Variants in C6orf89 observed in about 807,000 individuals in gnomAD.
C6orf89 encodes chromosome 6 open reading frame 89, also known as bombesin receptor-activated protein C6orf89.
Under a neutral mutation model 40.7 loss-of-function variants are expected in C6orf89, and 29 were observed. That is an observed-to-expected ratio of 0.71 (90% CI 0.53 to 0.97). The LOEUF is 0.97. Ranked by LOEUF, C6orf89 falls within the 50% of genes least tolerant of loss-of-function variation. The probability of loss-of-function intolerance (pLI) is 0.00; values close to 1 mark genes in which losing one functional copy is unlikely to be tolerated. For synonymous variants in C6orf89, 165 were observed against 152.2 expected, an observed-to-expected ratio of 1.08 and a Z score of -0.62; for missense variants, 392 against 429.1, an observed-to-expected ratio of 0.91 and a Z score of 0.76.
chr6:36,884,582 G>A (rs568450859), upstream of C6orf89, among the ~76,000 whole-genome samples: 55 of 152,320 alleles, frequency 3.6e-4, no homozygotes, highest in Non-Finnish European at 7.1e-4. This position sits in a 1 kb window ranked among gnomAD's most constrained non-coding sequence, Gnocchi z 4.0. Flanking sequence ...TGAAGGCACC[G>A]TAACCTATGA....
At chr6:36,883,807 ATAGGCTCTACAGCAAATTC>A (rs2150672262), upstream of C6orf89, among the ~76,000 whole-genome samples, 1 of 152,356 alleles carries the variant, frequency 6.6e-6, no homozygotes, top group African/African-American at 2.4e-5. Flanking sequence ...CTCCCTCATA[ATAGGCTCTACAGCAAATTC>A]TACTTTAAAG....
chr6:36,902,983 A>C (rs1341600515), intron 4 of C6orf89, among the ~76,000 whole-genome samples: 1 of 152,226 alleles, frequency 6.6e-6, no homozygotes, highest in Non-Finnish European at 1.5e-5. Flanking sequence ...AAATTAAAAA[A>C]CACATAAATT....
intron 6 of C6orf89, 68 bp from the exon 7 acceptor site, chr6:36,916,377 G>T: frequency 1.3e-6 from 2 of 1,589,630 alleles, no homozygotes; most frequent in Non-Finnish European, 8.6e-7. Context: ...ACCCTTACTT[G>T]GCTCTCTCTT....
intron 4 of C6orf89, among the ~76,000 whole-genome samples, chr6:36,905,265 C>T (rs907031004): frequency 6.6e-5 from 10 of 152,156 alleles, no homozygotes; most frequent in Non-Finnish European, 1.5e-4. Context: ...GGTCTGGTCA[C>T]GGAGCCATGA....
rs1430893130 is a variant in C6orf89, at chr6:36,898,309, C to T, written c.-19-1117C>T. 1.6e-4 allele frequency among the ~76,000 whole-genome samples: 21 copies of T among 133,566 alleles called. No individual in the cohort carries two copies. The South Asian group carries it at 3.2e-3, about 20-fold the overall frequency. 87.6% of individuals were successfully genotyped at this position (133,566 alleles called of 152,430 possible). A position where few individuals can be genotyped will look rare whatever the true frequency, so the allele number is the denominator to read the frequency against. ...TTTTTTTTTTTTTGAGATGGAGTTT[C>T]GCTCTTGTTGCCCAGGCTGGAGTGC... On this transcript the variant is annotated intron_variant, in intron 2 of 8. Transcript: ENST00000480824.
chr6:36,914,160 A>T (rs973064155), intron 4 of C6orf89, 124 bp from the exon 5 acceptor site: 1 of 959,566 alleles, frequency 1.0e-6, no homozygotes, highest in Non-Finnish European at 1.5e-6. Context: ...ACTCTGTCTC[A>T]AAATAAATAA....
At position 36,890,122 on chromosome 6, in the gene C6orf89, TCTTA is replaced by T. The variant is rs79983047; in HGVS notation, c.-120+4099_-120+4102del. Among the ~76,000 whole-genome samples, 39 of 152,330 alleles carry T rather than the reference TCTTA, an allele frequency of 2.6e-4. No individual in the cohort carries two copies. In the East Asian group the frequency reaches 4.4e-3, roughly 17 times the overall value. Reference sequence around the variant, plus strand: ...ATCACCTTCAAGTTTCCTCCTGCCTTCTTACTTATTATTACTATTAGCAATAAGA... The same window carrying T: ...ATCACCTTCAAGTTTCCTCCTGCCTTCTTATTATTACTATTAGCAATAAGA... On this transcript the variant is annotated intron_variant, in intron 1 of 8. Transcript: ENST00000480824.
At chr6:36,880,850 G>A (rs1240275893) in intron 2 of C6orf89, among the ~76,000 whole-genome samples, 1 of 152,220 alleles carries the variant, frequency 6.6e-6, no homozygotes, top group African/African-American at 2.4e-5. Context: ...TTTAAAAAGA[G>A]GGATGTTTAG....
In C6orf89 at chr6:36,927,631, G is replaced by A. The variant is rs1190483966; in HGVS notation, c.*4190G>A. 2 of 152,240 alleles carry A rather than the reference G, an allele frequency of 1.3e-5. No individual in the cohort carries two copies. The highest frequency in any genetic ancestry group is 1.3e-4 in the Admixed American group (2 of 15,286). The allele number at this position is 152,240 out of a possible 1,614,324, so 9.4% of individuals were successfully genotyped here. On this transcript the variant is annotated 3_prime_UTR_variant, in exon 9 of 9. Coordinates refer to ENST00000480824, the MANE Select transcript of C6orf89 (RefSeq NM_001286635.2). ...CCCACTACAATTTGTTGAAGGAAGG[G>A]AGTGTCAGAGATATGCTTTAAAGTT... is the stretch of plus-strand genomic sequence containing the variant.
upstream of C6orf89, among the ~76,000 whole-genome samples, chr6:36,884,207 A>G (rs1774901045): frequency 6.6e-6 from 1 of 152,190 alleles, no homozygotes; most frequent in African/African-American, 2.4e-5. The surrounding 1 kb of genome is among the most constrained non-coding windows in gnomAD (Gnocchi z 4.0). Flanking sequence ...GGTTGTAGTG[A>G]GCTGAGATCG....
intron 1 of C6orf89, among the ~76,000 whole-genome samples, chr6:36,890,174 T>G (rs1192560526): frequency 6.6e-6 from 1 of 152,206 alleles, no homozygotes; most frequent in African/African-American, 2.4e-5. Context: ...AGACCTACCT[T>G]CTTAGCATAT....
At chr6:36,914,054 G>A (rs1583192989) in intron 4 of C6orf89, among the ~76,000 whole-genome samples, 2 of 152,160 alleles carry the variant, frequency 1.3e-5, no homozygotes, top group Non-Finnish European at 2.9e-5. Flanking sequence ...CCAGCTCCTC[G>A]GAAGGCTGTA....
intron 4 of C6orf89, among the ~76,000 whole-genome samples, chr6:36,912,558 A>G (rs1762164586): frequency 6.6e-6 from 1 of 152,194 alleles, no homozygotes; most frequent in Non-Finnish European, 1.5e-5. Context: ...GAAAAAATGC[A>G]ACTTTGCAGC....
intron 1 of C6orf89, among the ~76,000 whole-genome samples, chr6:36,878,804 T>G (rs893262170): frequency 3.9e-5 from 6 of 152,244 alleles, no homozygotes; most frequent in African/African-American, 1.4e-4. Context: ...CACTGAGCTT[T>G]AACCAATCTC....
intron 4 of C6orf89, among the ~76,000 whole-genome samples, chr6:36,911,736 A>G (rs1380100605): frequency 1.3e-5 from 2 of 152,092 alleles, no homozygotes; most frequent in East Asian, 3.9e-4. Context: ...CGTTCCCTAG[A>G]TGAGCACTAA....
At chr6:36,916,726 C>A in intron 7 of C6orf89, 152 bp downstream of exon 7, 1 of 908,614 alleles carries the variant, frequency 1.1e-6, no homozygotes, top group Non-Finnish European at 1.6e-6. Flanking sequence ...CCTCCTGCTG[C>A]TAGCCAGGAG....
intron 1 of C6orf89, among the ~76,000 whole-genome samples, chr6:36,878,413 T>C (rs1774717123): frequency 1.3e-5 from 2 of 152,228 alleles, no homozygotes; most frequent in Non-Finnish European, 2.9e-5. Flanking sequence ...GGAGTCTGGG[T>C]TCAAATGCTG....
intron 3 of C6orf89, among the ~76,000 whole-genome samples, chr6:36,901,321 A>ATTAT (rs1561865504): frequency 5.3e-4 from 10 of 19,018 alleles, no homozygotes; most frequent in South Asian, 2.5e-3. Context: ...TATTATTATT[A>ATTAT]TTTTTTTTTT....
chr6:36,901,315 ATTATTAT>A (rs1761682787), intron 3 of C6orf89, among the ~76,000 whole-genome samples: 2 of 29,326 alleles, frequency 6.8e-5, no homozygotes, highest in African/African-American at 1.7e-4. Flanking sequence ...TATTATTATT[ATTATTAT>A]TTTTTTTTTT....
Sources: allele counts gnomAD v4.1 joint callset (sites outside exome capture counted in the v4.1 genomes callset), GRCh38; gene constraint gnomAD v4.1.1; non-coding constraint Gnocchi (gnomAD v3.1); transcripts MANE v1.5; gene names NCBI Gene and HGNC (gene_info 2026-07-23, HGNC 2026-07-21).